The following HSPA9 variants were observed in gnomAD, a reference collection of about 807,000 sequenced individuals.
The protein encoded by HSPA9 is stress-70 protein, mitochondrial.
Under a neutral mutation model 81.5 loss-of-function variants are expected in HSPA9, and 28 were observed. The observed-to-expected ratio is 0.34, with a 90% CI of 0.25 to 0.47. HSPA9 has a LOEUF of 0.47. HSPA9 is among the 20% of genes least tolerant of loss of function. HSPA9 has a pLI of 1.00. For missense variants in HSPA9, 678 were observed against 838.0 expected, an observed-to-expected ratio of 0.81 and a Z score of 2.36; for synonymous variants, 293 against 290.4, an observed-to-expected ratio of 1.01 and a Z score of -0.09.
chr5:138,556,676 A>G, intron 15 of HSPA9, 84 bp from the exon 16 acceptor site: 2 of 1,569,840 alleles, frequency 1.3e-6, no homozygotes, highest in South Asian at 2.2e-5. Context: ...AACATTTTAA[A>G]ATAATTAAAC....
At position 138,566,608 on chromosome 5, in the gene HSPA9, G is replaced by A. The variant is rs371834923; in HGVS notation, c.972+18C>T. ...CTGAAAATATCCATCAAGACTGCTC[G>A]AATTTTCCGTGTCTCACCTGCACAG... On this transcript the variant is annotated intron_variant, in intron 9 of 16. Transcript: ENST00000297185. 80 of 1,564,620 alleles carry A rather than the reference G, an allele frequency of 5.1e-5. No homozygotes were observed. Among genetic ancestry groups the A allele is most frequent in the Non-Finnish European group, 6.2e-5 (70 of 1,135,650 alleles).
chr5:138,567,220 A>AGCGCCGC, intron 7 of HSPA9, 57 bp from the exon 8 acceptor site: 1 of 1,422,848 alleles, frequency 7.0e-7, no homozygotes, highest in Admixed American at 2.0e-5. Flanking sequence ...AAAACCTATC[A>AGCGCCGC]CCAGGATATA....
chr5:138,566,804 T>C (rs1750775591), intron 8 of HSPA9, 86 bp from the exon 9 acceptor site: 5 of 1,161,490 alleles, frequency 4.3e-6, no homozygotes, highest in Non-Finnish European at 6.5e-6. Flanking sequence ...CAACACAAAA[T>C]GGAGTCATAC....
rs776008223 is a variant in HSPA9 at position 138,569,008 on chromosome 5, T to TCAC, written c.449_451dup (p.Gly150dup). The TCAC allele has an allele frequency of 5.0e-6, 8 of 1,613,746 alleles. No homozygotes were observed. Among genetic ancestry groups the TCAC allele is most frequent in the Non-Finnish European group, 1.7e-6 (2 of 1,179,762 alleles). On this transcript the variant is annotated inframe_insertion, in exon 5 of 17. Transcript: ENST00000297185. ...TTTCCCATGAGCCTCAACCCAGGCA[T>TCAC]CACCATTGGAGGCACGGACAATTTT... is the stretch of plus-strand genomic sequence containing the variant.
chr5:138,566,886 A>G, intron 8 of HSPA9, 115 bp downstream of exon 8: 1 of 1,208,374 alleles, frequency 8.3e-7, no homozygotes, highest in Non-Finnish European at 1.2e-6. Context: ...TGAAAAGAGT[A>G]TCTGTGTCTA....
At position 138,558,559 on chromosome 5, in the gene HSPA9, A is replaced by G. The variant is rs199863065; in HGVS notation, c.1509T>C (p.Phe503=). The change falls in exon 12 of 17, where the codon TTT becomes TTC. Residue 503 remains phenylalanine, a synonymous_variant. Coordinates refer to ENST00000297185, the MANE Select transcript of HSPA9 (RefSeq NM_004134.7). ...AGGATTCACAATAACCTACCAAAGTAAACTGTCCAAGGAGTTTGTTGTCTC... is the reference window on the plus strand; with the variant it reads ...AGGATTCACAATAACCTACCAAAGTGAACTGTCCAAGGAGTTTGTTGTCTC... The part of the protein sequence containing the change: ...MAGDNKLLGQ[F]TLIGIPPAPR... 2.6e-5 allele frequency: 41 copies of G among 1,591,626 alleles called. No individual in the cohort carries two copies. Among genetic ancestry groups the G allele is most frequent in the Admixed American group, 2.2e-4 (13 of 59,986 alleles).
In HSPA9 at chr5:138,570,949, C is replaced by G; in HGVS notation, c.410+11G>C. 2 of 1,613,770 alleles carry G rather than the reference C, an allele frequency of 1.2e-6. No individual in the cohort carries two copies. The highest frequency in any genetic ancestry group is 1.7e-6 in the Non-Finnish European group (2 of 1,179,784). On this transcript the variant is annotated intron_variant, in intron 4 of 16. Coordinates refer to ENST00000297185, the MANE Select transcript of HSPA9 (RefSeq NM_004134.7). ...AACTGCTTTTTGCAAAAAACTTTTG[C>G]TGTTACTCACATGTCTTTCTGTACT...
intron 15 of HSPA9, 72 bp from the exon 16 acceptor site, chr5:138,556,664 G>T: frequency 6.3e-7 from 1 of 1,577,482 alleles, no homozygotes. Flanking sequence ...GTACTATTTA[G>T]AAACATTTTA....
At position 138,555,953 on chromosome 5, in the gene HSPA9, G is replaced by T. The variant is rs1750509042; in HGVS notation, c.*84C>A. ...ACTGCAAAAACACAGTAAAAAGACT[G>T]AAGTTCGCCCATTTCTGCTCAGGAA... On this transcript the variant is annotated 3_prime_UTR_variant, in exon 17 of 17. Coordinates refer to ENST00000297185, the MANE Select transcript of HSPA9 (RefSeq NM_004134.7). The T allele has an allele frequency of 2.1e-6, 2 of 945,084 alleles. No homozygotes were observed. Among genetic ancestry groups the T allele is most frequent in the Non-Finnish European group, 3.5e-6 (2 of 576,938 alleles). 58.5% of individuals were successfully genotyped at this position (945,084 alleles called of 1,614,324 possible).
Position 138,575,325 on chromosome 5 carries a change from T to A in HSPA9, c.-7A>T. ...CTCGGCTGGCACTTATCATGGCGGA[T>A]AAATGGAGGAGTACGAGGCAGCAAA... is the stretch of plus-strand genomic sequence containing the variant. On this transcript the variant is annotated 5_prime_UTR_variant, in exon 1 of 17. Coordinates refer to ENST00000297185, the MANE Select transcript of HSPA9 (RefSeq NM_004134.7). The A allele has an allele frequency of 2.5e-6, 4 of 1,609,802 alleles. No homozygotes were observed. Among genetic ancestry groups the A allele is most frequent in the Non-Finnish European group, 3.4e-6 (4 of 1,177,982 alleles).
intron 13 of HSPA9, 35 bp downstream of exon 13, chr5:138,557,834 C>G (rs1750561271): frequency 1.5e-6 from 2 of 1,317,268 alleles, no homozygotes; most frequent in Non-Finnish European, 2.2e-6. Context: ...CCTCCCTCAC[C>G]TCACTCTTAG....
In HSPA9 at chr5:138,566,617, G is replaced by GT; in HGVS notation, c.972+8dup. On this transcript the variant is annotated intron_variant, in intron 9 of 16. Coordinates refer to ENST00000297185, the MANE Select transcript of HSPA9 (RefSeq NM_004134.7). Reference sequence around the variant, plus strand: ...TCCATCAAGACTGCTCGAATTTTCCGTGTCTCACCTGCACAGATGAGGAGA... The same window carrying GT: ...TCCATCAAGACTGCTCGAATTTTCCGTTGTCTCACCTGCACAGATGAGGAGA... 1 of 1,592,094 alleles carries GT rather than the reference G, an allele frequency of 6.3e-7. No individual in the cohort carries two copies. Among genetic ancestry groups the GT allele is most frequent in the Non-Finnish European group, 8.6e-7 (1 of 1,160,304 alleles).
In HSPA9 at chr5:138,575,298, A is replaced by G. The variant is rs36043650; in HGVS notation, c.21T>C (p.Ala7=). The G allele has an allele frequency of 1.2e-6, 2 of 1,612,232 alleles. No homozygotes were observed. Among genetic ancestry groups the G allele is most frequent in the Non-Finnish European group, 1.7e-6 (2 of 1,179,588 alleles). Residue 7 remains alanine (A), a synonymous_variant, in exon 1 of 17, where the codon GCT becomes GCC. Coordinates refer to ENST00000297185, the MANE Select transcript of HSPA9 (RefSeq NM_004134.7). Reference sequence around the variant, plus strand: ...CGGCGCCCACGAGACGGGCTGCTGCAGCTCGGCTGGCACTTATCATGGCGG... The same window carrying G: ...CGGCGCCCACGAGACGGGCTGCTGCGGCTCGGCTGGCACTTATCATGGCGG... The part of the protein sequence containing the change: MISASR[A]AAARLVGAAA...
Position 138,559,948 on chromosome 5 carries a change from G to C in HSPA9, c.1326C>G (p.Pro442=). The stretch of plus-strand genomic sequence containing the variant: ...CTAGAGTTTCAATACCCAGAGACAG[G>C]GGAGTGACATCAAGGAGCAGCACAT... ...VTDVLLLDVT[P]LSLGIETLGG... The change falls in exon 11 of 17, where the codon CCC becomes CCG. Residue 442 remains proline (P), a synonymous_variant. Transcript: ENST00000297185. 6.2e-7 allele frequency: 1 copy of C among 1,614,048 alleles called. No homozygotes were observed. The highest frequency in any genetic ancestry group is 1.1e-5 in the South Asian group (1 of 91,070).
chr5:138,556,082 A>G lies in HSPA9; in HGVS notation c.1995T>C (p.Ser665=). The part of the protein sequence containing the change: ...MASEREGSGS[S]GTGEQKEDQK... ...GATCTTCCTTTTGTTCCCCAGTGCC[A>G]GAACTTCCAGAGCCTTCTCGCTCAG... The change falls in exon 17 of 17, where the codon TCT becomes TCC. Residue 665 remains serine, a synonymous_variant. Coordinates refer to ENST00000297185, the MANE Select transcript of HSPA9 (RefSeq NM_004134.7). 3 of 1,613,736 alleles carry G rather than the reference A, an allele frequency of 1.9e-6. No individual in the cohort carries two copies. The highest frequency in any genetic ancestry group is 2.5e-6 in the Non-Finnish European group (3 of 1,179,740).
At chr5:138,566,592 T>C (rs763141834) in intron 9 of HSPA9, 34 bp downstream of exon 9, 6 of 1,344,596 alleles carry the variant, frequency 4.5e-6, no homozygotes, top group Non-Finnish European at 5.3e-6. Flanking sequence ...GCTGAAAATA[T>C]CCATCAAGAC....
At chr5:138,567,975 G>T (rs538657685) in intron 5 of HSPA9, among the ~76,000 whole-genome samples, 1 of 149,076 alleles carries the variant, frequency 6.7e-6, no homozygotes, top group Non-Finnish European at 1.5e-5. Context: ...ACCTAAGGTT[G>T]AGAGTTTTGA....
intron 9 of HSPA9, among the ~76,000 whole-genome samples, chr5:138,563,193 T>G (rs1348846019): frequency 2.0e-5 from 3 of 152,222 alleles, no homozygotes; most frequent in Non-Finnish European, 4.4e-5. Flanking sequence ...TAGAATTTTC[T>G]GTGACAATGA....
Position 138,556,574 on chromosome 5 carries a change from C to T in HSPA9, c.1840G>A (p.Glu614Lys). ...PADECNKLKE[E>K]ISKMRELLAR... ...AGGAGCTCCCTCATTTTGGAAATCT[C>T]TTCTTTCAGCTTGTTGCACTTAAAA... is the stretch of plus-strand genomic sequence containing the variant. The change falls in exon 16 of 17, where the codon GAG becomes AAG. Residue 614 changes from glutamate (E) to lysine (K), a missense_variant. This residue lies in a region of HSPA9 where 100 missense variants were observed against 99.5 expected (regional missense o/e 1.00). Coordinates refer to ENST00000297185, the MANE Select transcript of HSPA9 (RefSeq NM_004134.7). 4 of 1,614,062 alleles carry T rather than the reference C, an allele frequency of 2.5e-6. No individual in the cohort carries two copies. The highest frequency in any genetic ancestry group is 3.4e-6 in the Non-Finnish European group (4 of 1,180,038).
Sources: allele counts gnomAD v4.1 joint callset (sites outside exome capture counted in the v4.1 genomes callset), GRCh38; gene constraint gnomAD v4.1.1; regional missense constraint gnomAD v4.1.1; transcripts MANE v1.5; gene names NCBI Gene and HGNC (gene_info 2026-07-23, HGNC 2026-07-21).